The following C20orf203 variants were observed in gnomAD, a reference collection of about 807,000 sequenced individuals.
The protein encoded by C20orf203 is chromosome 20 open reading frame 203, also known as uncharacterized protein C20orf203.
In C20orf203, 16 loss-of-function variants were observed where a neutral mutation model predicts 15.9. The observed-to-expected ratio is 1.01, with a 90% CI of 0.68 to 1.53. The LOEUF (loss-of-function observed/expected upper bound fraction) is 1.53. C20orf203 is among the 40% of genes most tolerant of loss of function. C20orf203 has a pLI of 0.00. For missense variants in C20orf203, 263 were observed against 247.5 expected, an observed-to-expected ratio of 1.06 and a Z score of -0.42; for synonymous variants, 98 against 97.2, an observed-to-expected ratio of 1.01 and a Z score of -0.05.
rs1355450462 is a variant in C20orf203, at chr20:32,651,005, C to T, written c.135+13G>A. ...TCAGCCCAGGTGTGGGAGACAGGGA[C>T]AGCACTTCTTACCCGGCTCAGCATT... On this transcript the variant is annotated intron_variant, in intron 3 of 5. Coordinates refer to ENST00000608990, the MANE Select transcript of C20orf203 (RefSeq NM_182584.4). 6.8e-6 allele frequency: 10 copies of T among 1,477,208 alleles called. No homozygotes were observed. The African/African-American group carries it at 8.5e-5, about 13-fold the overall frequency. The allele number at this position is 1,477,208 out of a possible 1,614,324, so 91.5% of individuals were successfully genotyped here.
At chr20:32,643,818 T>C (rs1982351894) in intron 4 of C20orf203, among the ~76,000 whole-genome samples, 1 of 152,246 alleles carries the variant, frequency 6.6e-6, no homozygotes, top group South Asian at 2.1e-4. Context: ...GTCATTTCTA[T>C]CTTGCAGCTT....
chr20:32,669,926 G>A (rs1024451480), intron 1 of C20orf203, among the ~76,000 whole-genome samples: 2 of 152,226 alleles, frequency 1.3e-5, no homozygotes, highest in Non-Finnish European at 2.9e-5. Flanking sequence ...ATCCGGCCGG[G>A]CACAGTTGCT....
chr20:32,650,574 A>T lies in C20orf203; in HGVS notation c.443T>A (p.Phe148Tyr). ...GMPRMGTVGD[F>Y]GQALSSLAWT... ...GGCCAGCGAGGACAGAGCTTGGCCA[A>T]AGTCCCCCACCGTGCCCATTCTGGG... The change falls in exon 4 of 6, where the codon TTT becomes TAT. Residue 148 changes from phenylalanine (F) to tyrosine (Y), a missense_variant. Physicochemically the swap from Phe to Tyr is conservative, Grantham distance 22 (BLOSUM62 3). Transcript: ENST00000608990. 3 of 1,549,044 alleles carry T rather than the reference A, an allele frequency of 1.9e-6. No homozygotes were observed. The highest frequency in any genetic ancestry group is 2.6e-6 in the Non-Finnish European group (3 of 1,145,614).
At chr20:32,652,281 A>G (rs1057015994) in intron 1 of C20orf203, among the ~76,000 whole-genome samples, 5 of 141,882 alleles carry the variant, frequency 3.5e-5, no homozygotes, top group African/African-American at 1.3e-4. Flanking sequence ...GTGAGCTGAG[A>G]TCATGCACTT....
chr20:32,671,012 TTA>T (rs1491214077), intron 1 of C20orf203, among the ~76,000 whole-genome samples: 8 of 75,114 alleles, frequency 1.1e-4, no homozygotes, highest in Non-Finnish European at 1.8e-4. Context: ...CTGCCATTAT[TTA>T]AAAAAAAAAA....
At chr20:32,652,726 C>T (rs1018832446) in intron 1 of C20orf203, among the ~76,000 whole-genome samples, 3 of 152,100 alleles carry the variant, frequency 2.0e-5, no homozygotes, top group Non-Finnish European at 4.4e-5. Flanking sequence ...TAGCCAGACA[C>T]GCACCAGTTT....
At chr20:32,641,707 T>G (rs1298981791) in intron 4 of C20orf203, among the ~76,000 whole-genome samples, 1 of 152,236 alleles carries the variant, frequency 6.6e-6, no homozygotes, top group African/African-American at 2.4e-5. Context: ...TCTGTATCTC[T>G]CTGATAGCCA....
At chr20:32,672,417 ATATG>A (rs1416964248) in intron 1 of C20orf203, among the ~76,000 whole-genome samples, 1 of 151,698 alleles carries the variant, frequency 6.6e-6, no homozygotes, top group Non-Finnish European at 1.5e-5. Context: ...ACATACATAC[ATATG>A]TATTAGCTGG....
At chr20:32,660,251 GAGCCACCC>G (rs1365848575) in intron 1 of C20orf203, among the ~76,000 whole-genome samples, 1 of 152,082 alleles carries the variant, frequency 6.6e-6, no homozygotes, top group East Asian at 1.9e-4. Context: ...TCTCCCAGCC[GAGCCACCC>G]AGCCACAGGA....
intron 4 of C20orf203, among the ~76,000 whole-genome samples, chr20:32,641,253 T>C (rs1354390181): frequency 6.7e-6 from 1 of 149,560 alleles, no homozygotes; most frequent in Non-Finnish European, 1.5e-5. Flanking sequence ...AAGGATCACT[T>C]GAGCCTGAGG....
Position 32,631,879 on chromosome 20 carries a change from C to A in C20orf203, c.*3691G>T, listed in dbSNP as rs1203549165. 1 of 152,292 alleles carries A rather than the reference C, an allele frequency of 6.6e-6. No homozygotes were observed. Among genetic ancestry groups the A allele is most frequent in the Non-Finnish European group, 1.5e-5 (1 of 68,106 alleles). The allele number at this position is 152,292 out of a possible 1,614,324, so 9.4% of individuals were successfully genotyped here. On this transcript the variant is annotated 3_prime_UTR_variant, in exon 6 of 6. Transcript: ENST00000608990. ...CTAAATCCACTGTGGCTCCCTCTCC[C>A]CAAGGCCAGAGCCAGAGAGAGCTGG... is the stretch of plus-strand genomic sequence containing the variant.
At chr20:32,639,408 C>T (rs569369690) in intron 5 of C20orf203, among the ~76,000 whole-genome samples, 4 of 152,274 alleles carry the variant, frequency 2.6e-5, no homozygotes, top group Admixed American at 6.5e-5. Flanking sequence ...AACCTGGAAA[C>T]GAACCCCAGT....
chr20:32,661,839 C>T lies in C20orf203; in HGVS notation c.-263-9858G>A, dbSNP rs111545062. Among the ~76,000 whole-genome samples the T allele has an allele frequency of 5.3e-3, 812 of 152,268 alleles. 8 individuals carry two copies. The highest frequency in any genetic ancestry group is 0.018 in the African/African-American group (763 of 41,530). ...TCTAACAAAAGGGAGGTGACTTGCC[C>T]AAAGCCCCCCACTCCACACCTGTGC... is the stretch of plus-strand genomic sequence containing the variant. On this transcript the variant is annotated intron_variant, in intron 1 of 5. Transcript: ENST00000608990.
At chr20:32,638,511 G>C (rs1478474681) in intron 5 of C20orf203, among the ~76,000 whole-genome samples, 1 of 152,168 alleles carries the variant, frequency 6.6e-6, no homozygotes, top group Non-Finnish European at 1.5e-5. Flanking sequence ...GAGATTTACA[G>C]CAGGTCCAGG....
At chr20:32,634,962 G>A (rs562623502) in intron 5 of C20orf203, among the ~76,000 whole-genome samples, 1 of 152,322 alleles carries the variant, frequency 6.6e-6, no homozygotes, top group East Asian at 1.9e-4. Flanking sequence ...CACTTTGGGA[G>A]GCCAAGGTGG....
chr20:32,661,571 G>A (rs1402232988), intron 1 of C20orf203, among the ~76,000 whole-genome samples: 1 of 152,110 alleles, frequency 6.6e-6, no homozygotes, highest in African/African-American at 2.4e-5. Flanking sequence ...CAAATCTAGG[G>A]GTTCTCCATG....
Position 32,671,957 on chromosome 20 carries a change from A to G in C20orf203, c.-264+1675T>C, listed in dbSNP as rs1983180219. On this transcript the variant is annotated intron_variant, in intron 1 of 5. Coordinates refer to ENST00000608990, the MANE Select transcript of C20orf203 (RefSeq NM_182584.4). ...GGTATAGAGTTTCAGTCACACAGAT[A>G]AAAATGTCCGGAGGTCTTCTGCACA... 4.6e-5 allele frequency among the ~76,000 whole-genome samples: 7 copies of G among 152,138 alleles called. No homozygotes were observed. The South Asian group carries it at 1.5e-3, about 32-fold the overall frequency.
intron 4 of C20orf203, among the ~76,000 whole-genome samples, chr20:32,643,915 C>T (rs1982354729): frequency 6.6e-6 from 1 of 152,168 alleles, no homozygotes; most frequent in Admixed American, 6.5e-5. Flanking sequence ...AAAACCCTTT[C>T]ACACTCACCA....
At chr20:32,669,715 T>C (rs776617831) in intron 1 of C20orf203, among the ~76,000 whole-genome samples, 19 of 151,848 alleles carry the variant, frequency 1.3e-4, no homozygotes, top group Admixed American at 2.6e-4. Flanking sequence ...GAAGAAAATA[T>C]AGGGGAAAAG....
Sources: allele counts gnomAD v4.1 joint callset (sites outside exome capture counted in the v4.1 genomes callset), GRCh38; gene constraint gnomAD v4.1.1; transcripts MANE v1.5; gene names NCBI Gene and HGNC (gene_info 2026-07-23, HGNC 2026-07-21).